Variants in RBFOX2 observed in about 807,000 individuals in gnomAD.
RBFOX2 encodes RNA binding protein fox-1 homolog 2.
Under a neutral mutation model 49.1 loss-of-function variants are expected in RBFOX2, and 10 were observed. The ratio of observed to expected loss-of-function variants is 0.20; its 90% CI spans 0.13 to 0.35. The LOEUF (loss-of-function observed/expected upper bound fraction) is 0.35. RBFOX2 is among the 10% of genes least tolerant of loss of function. The pLI is 1.00. For synonymous variants in RBFOX2, 183 were observed against 187.4 expected, an observed-to-expected ratio of 0.98 and a Z score of 0.19; for missense variants, 323 against 486.9, an observed-to-expected ratio of 0.66 and a Z score of 3.17.
chr22:35,903,400 T>C (rs1569476641), intron 1 of RBFOX2, among the ~76,000 whole-genome samples: 1 of 152,214 alleles, frequency 6.6e-6, no homozygotes, highest in Non-Finnish European at 1.5e-5. Flanking sequence ...TGTTTCAGTA[T>C]CTTTTTATGG....
At chr22:35,969,389 T>C (rs1364142175) in intron 1 of RBFOX2, among the ~76,000 whole-genome samples, 2 of 152,178 alleles carry the variant, frequency 1.3e-5, no homozygotes, top group South Asian at 2.1e-4. Flanking sequence ...CCTGGCAACA[T>C]GGTAAAACCC....
At chr22:35,873,150 C>CT (rs1354629198) in intron 1 of RBFOX2, among the ~76,000 whole-genome samples, 7 of 151,818 alleles carry the variant, frequency 4.6e-5, no homozygotes, top group Non-Finnish European at 5.9e-5. Flanking sequence ...TTTCTTTTTT[C>CT]TTTTTTTTGA....
intron 1 of RBFOX2, among the ~76,000 whole-genome samples, chr22:35,933,926 T>TTTTATATATA (rs372778968): frequency 5.9e-5 from 7 of 118,020 alleles, no homozygotes; most frequent in Non-Finnish European, 1.0e-4. Flanking sequence ...TAATTAAATG[T>TTTTATATATA]TATATATATA....
At position 35,896,370 on chromosome 22, in the gene RBFOX2, TAAAGA is replaced by T. The variant is rs542138059; in HGVS notation, c.-34+42472_-34+42476del. Among the ~76,000 whole-genome samples, 178 of 152,218 alleles carry T rather than the reference TAAAGA, an allele frequency of 1.2e-3. 1 individual carries two copies. The highest frequency in any genetic ancestry group is 4.0e-3 in the African/African-American group (168 of 41,528). On this transcript the variant is annotated intron_variant, in intron 1 of 13. Coordinates refer to the RBFOX2 transcript ENST00000359369. ...GAATATTCCACTCCTTCCCACTCAT[TAAAGA>T]AAACACAAAACAAAATAAAAAGCAA... is the stretch of plus-strand genomic sequence containing the variant.
intron 1 of RBFOX2, among the ~76,000 whole-genome samples, chr22:35,853,120 T>C (rs1603412530): frequency 6.6e-6 from 1 of 151,044 alleles, no homozygotes. Context: ...ATGACGAAAC[T>C]CCATCTCTAC....
intron 11 of RBFOX2, among the ~76,000 whole-genome samples, chr22:35,745,069 C>A (rs1329695552): frequency 6.6e-6 from 1 of 152,194 alleles, no homozygotes; most frequent in Non-Finnish European, 1.5e-5. Context: ...TACTTCCTTC[C>A]ACAAATCTTC....
chr22:35,868,269 A>G (rs899540469), intron 1 of RBFOX2, among the ~76,000 whole-genome samples: 12 of 152,160 alleles, frequency 7.9e-5, no homozygotes, highest in African/African-American at 2.9e-4. Flanking sequence ...TATATTACCT[A>G]TATAAACTAT....
chr22:35,746,057 G>C, intron 10 of RBFOX2, 62 bp from the exon 13 acceptor site: 1 of 1,399,088 alleles, frequency 7.1e-7, no homozygotes, highest in Non-Finnish European at 1.0e-6. Flanking sequence ...AAAATTAAAG[G>C]GATTACTGTG....
At chr22:35,804,300 A>C (rs957479031) in intron 2 of RBFOX2, among the ~76,000 whole-genome samples, 6 of 152,080 alleles carry the variant, frequency 3.9e-5, no homozygotes, top group Non-Finnish European at 7.4e-5. Flanking sequence ...AATTATGTGT[A>C]ATCAGAGGCC....
At chr22:36,000,728 T>C (rs1317781398) in intron 1 of RBFOX2, among the ~76,000 whole-genome samples, 2 of 152,116 alleles carry the variant, frequency 1.3e-5, no homozygotes. Flanking sequence ...TTTTCCTTCG[T>C]TTTTCCTCTA....
intron 1 of RBFOX2, among the ~76,000 whole-genome samples, chr22:35,837,224 T>C (rs1603374309): frequency 6.6e-6 from 1 of 152,266 alleles, no homozygotes; most frequent in Non-Finnish European, 1.5e-5. Context: ...AAGGATCTAA[T>C]ATGGTATGAT....
chr22:35,827,443 CT>C (rs538379881), intron 1 of RBFOX2, among the ~76,000 whole-genome samples: 165 of 152,248 alleles, frequency 1.1e-3, no homozygotes, highest in African/African-American at 3.5e-3. Context: ...CTGCTAATGA[CT>C]TTTTTCCCCC....
intron 2 of RBFOX2, among the ~76,000 whole-genome samples, chr22:35,784,205 G>T (rs1033318659): frequency 1.3e-5 from 2 of 152,194 alleles, no homozygotes; most frequent in African/African-American, 4.8e-5. Flanking sequence ...ACATAAGTTA[G>T]TTACACATTG....
At chr22:35,891,712 T>C (rs936480566) in intron 1 of RBFOX2, among the ~76,000 whole-genome samples, 1 of 152,224 alleles carries the variant, frequency 6.6e-6, no homozygotes, top group African/African-American at 2.4e-5. Flanking sequence ...GTTTATTGGA[T>C]ATAAATTACA....
At chr22:35,847,256 A>G (rs1236625676) in intron 1 of RBFOX2, among the ~76,000 whole-genome samples, 1 of 152,244 alleles carries the variant, frequency 6.6e-6, no homozygotes, top group Non-Finnish European at 1.5e-5. Context: ...GGCATGATTT[A>G]GCAATGAAAG....
rs527896726 is a variant in RBFOX2 at position 35,971,912 on chromosome 22, TAAAAAAAAAAAA to T, written c.187-33027_187-33016del. Among the ~76,000 whole-genome samples the T allele has an allele frequency of 4.2e-4, 24 of 56,602 alleles. 1 individual carries two copies. The highest frequency in any genetic ancestry group is 2.2e-3 in the South Asian group (3 of 1,342). 37.1% of individuals were successfully genotyped at this position (56,602 alleles called of 152,430 possible). On this transcript the variant is annotated intron_variant, in intron 1 of 13. Transcript: ENST00000438146. ...GCCTTTCCTTTTTTCTTTTTCTCCC[TAAAAAAAAAAAA>T]AAAAAAAAAAAAAACACTCTCTAAA...
At chr22:35,817,841 C>A (rs924901149) in intron 1 of RBFOX2, among the ~76,000 whole-genome samples, 3 of 151,914 alleles carry the variant, frequency 2.0e-5, no homozygotes, top group Non-Finnish European at 4.4e-5. Context: ...CAATATAAAT[C>A]CTTGCTTAGA....
chr22:35,937,007 C>T (rs1271175628), intron 1 of RBFOX2, among the ~76,000 whole-genome samples: 2 of 152,180 alleles, frequency 1.3e-5, no homozygotes, highest in Non-Finnish European at 2.9e-5. Flanking sequence ...CTAACCACGA[C>T]CCCTTTATTA....
chr22:35,958,203 A>G (rs537968275), intron 1 of RBFOX2, among the ~76,000 whole-genome samples: 6 of 152,328 alleles, frequency 3.9e-5, no homozygotes, highest in Middle Eastern at 3.4e-3. Context: ...TTGCTATTGA[A>G]CATGATGTTA....
Sources: gnomAD v4.1 joint callset for allele counts (sites outside exome capture counted in the v4.1 genomes callset) on GRCh38, gnomAD v4.1.1 for gene constraint, MANE v1.5 for transcripts, NCBI Gene and HGNC (gene_info 2026-07-23, HGNC 2026-07-21) for gene names.